Variants in REDIC1 observed in about 807,000 individuals in gnomAD.
REDIC1 encodes the protein HEI10 Interacting Protein 1.
At chr12:39,629,759 G>T in the REDIC1 span, among the ~76,000 whole-genome samples, 4 of 152,204 alleles carry the variant, frequency 2.6e-5, no homozygotes, top group South Asian at 8.3e-4. Context: ...CAAAGAGATT[G>T]ATCTAAGAAA....
chr12:39,702,429 G>T, the REDIC1 span, among the ~76,000 whole-genome samples: 1 of 152,180 alleles, frequency 6.6e-6, no homozygotes, highest in South Asian at 2.1e-4. Flanking sequence ...ATCTGAAATT[G>T]TGGCAATAAT....
At chr12:39,635,404 C>T in the REDIC1 span, among the ~76,000 whole-genome samples, 1 of 152,122 alleles carries the variant, frequency 6.6e-6, no homozygotes, top group Non-Finnish European at 1.5e-5. Context: ...AAATGTCCAT[C>T]AATGGTAGAC....
the REDIC1 span, among the ~76,000 whole-genome samples, chr12:39,780,309 A>T: frequency 6.6e-6 from 1 of 152,172 alleles, no homozygotes; most frequent in Non-Finnish European, 1.5e-5. Flanking sequence ...TCATCTTACC[A>T]GTTCAGATAT....
At chr12:39,762,328 C>G in the REDIC1 span, among the ~76,000 whole-genome samples, 1 of 152,048 alleles carries the variant, frequency 6.6e-6, no homozygotes, top group African/African-American at 2.4e-5. Context: ...TATTCCTCAC[C>G]TTTATTCTTC....
chr12:39,715,035 G>T, the REDIC1 span, among the ~76,000 whole-genome samples: 1 of 151,884 alleles, frequency 6.6e-6, no homozygotes, highest in South Asian at 2.1e-4. Flanking sequence ...TTTTCTGACT[G>T]TTCCTTTTGC....
the REDIC1 span, among the ~76,000 whole-genome samples, chr12:39,697,197 G>C: frequency 6.6e-6 from 1 of 152,210 alleles, no homozygotes; most frequent in Non-Finnish European, 1.5e-5. Context: ...TACAAGCCGA[G>C]AGAGTGGCAT....
At chr12:39,766,535 G>A in the REDIC1 span, among the ~76,000 whole-genome samples, 9 of 151,994 alleles carry the variant, frequency 5.9e-5, no homozygotes, top group Non-Finnish European at 2.9e-5. Flanking sequence ...GGTGGCTGTG[G>A]CAATTTCTCA....
the REDIC1 span, among the ~76,000 whole-genome samples, chr12:39,690,995 G>C: frequency 6.6e-6 from 1 of 152,128 alleles, no homozygotes; most frequent in Admixed American, 6.6e-5. Context: ...AATGTGTCAT[G>C]ACTTGAAGAG....
chr12:39,637,621 A>G, the REDIC1 span, among the ~76,000 whole-genome samples: 86 of 152,092 alleles, frequency 5.7e-4, no homozygotes, highest in Admixed American at 5.2e-4. Context: ...AGTAAAATAT[A>G]TTGGAGAACA....
the REDIC1 span, among the ~76,000 whole-genome samples, chr12:39,651,901 T>A: frequency 3.3e-5 from 5 of 152,236 alleles, no homozygotes; most frequent in South Asian, 1.0e-3. Flanking sequence ...TTGCTTCACA[T>A]CCCTTGTACC....
the REDIC1 span, among the ~76,000 whole-genome samples, chr12:39,660,016 C>A: frequency 6.6e-6 from 1 of 152,084 alleles, no homozygotes; most frequent in East Asian, 1.9e-4. Flanking sequence ...GAGGCAATAC[C>A]CTTCTGAATA....
At chr12:39,684,451 A>C in the REDIC1 span, 1 of 214,638 alleles carries the variant, frequency 4.7e-6, no homozygotes, top group South Asian at 1.7e-4. Flanking sequence ...AAAAAGATGC[A>C]ATTTTAGTGG....
chr12:39,824,140 A>G, the REDIC1 span, among the ~76,000 whole-genome samples: 11 of 152,258 alleles, frequency 7.2e-5, no homozygotes, highest in African/African-American at 2.7e-4. Flanking sequence ...CTAGAAGCAA[A>G]TATACATTCA....
the REDIC1 span, among the ~76,000 whole-genome samples, chr12:39,782,248 G>C: frequency 6.6e-6 from 1 of 152,112 alleles, no homozygotes; most frequent in Non-Finnish European, 1.5e-5. Context: ...ACATGGTTTG[G>C]CTGTGTCCCC....
At chr12:39,815,442 T>C in the REDIC1 span, among the ~76,000 whole-genome samples, 446 of 152,284 alleles carry the variant, frequency 2.9e-3, 2 homozygotes, top group African/African-American at 0.01. Flanking sequence ...AAAACAGCTA[T>C]AGGACTCGTA....
the REDIC1 span, among the ~76,000 whole-genome samples, chr12:39,712,438 GTA>G: frequency 1.3e-5 from 1 of 77,592 alleles, no homozygotes; most frequent in African/African-American, 4.2e-5. Context: ...ATATACATAC[GTA>G]TATGTATACA....
chr12:39,824,387 G>A, the REDIC1 span, among the ~76,000 whole-genome samples: 1 of 152,218 alleles, frequency 6.6e-6, no homozygotes, highest in Non-Finnish European at 1.5e-5. Context: ...TGGGTGGCAT[G>A]AGCCAGATTC....
At chr12:39,707,895 C>A in the REDIC1 span, among the ~76,000 whole-genome samples, 1 of 151,618 alleles carries the variant, frequency 6.6e-6, no homozygotes, top group Non-Finnish European at 1.5e-5. Context: ...TTAAGTGAAA[C>A]AAGCCAGGCA....
the REDIC1 span, among the ~76,000 whole-genome samples, chr12:39,664,757 T>G: frequency 6.6e-6 from 1 of 152,242 alleles, no homozygotes; most frequent in African/African-American, 2.4e-5. Flanking sequence ...GGCTTTTTAA[T>G]AATCGCCATT....
Sources: gnomAD v4.1 joint callset for allele counts (sites outside exome capture counted in the v4.1 genomes callset) on GRCh38, gnomAD v4.1.1 for gene constraint, MANE v1.5 for transcripts, NCBI Gene and HGNC (gene_info 2026-07-23, HGNC 2026-07-21) for gene names.